The following LRRIQ1 variants were observed in gnomAD, a reference collection of about 807,000 sequenced individuals.
LRRIQ1 encodes leucine-rich repeat- and IQ domain-containing protein 1.
In LRRIQ1, 210 loss-of-function variants were observed where a neutral mutation model predicts 211.9. The ratio of observed to expected loss-of-function variants is 0.99; its 90% confidence interval spans 0.89 to 1.11. The LOEUF (loss-of-function observed/expected upper bound fraction) is 1.11. LRRIQ1 is among the 50% of genes most tolerant of loss of function. The pLI is 0.00. For synonymous variants in LRRIQ1, 699 were observed against 650.1 expected (o/e 1.08, Z -1.14); for missense variants, 2,136 against 1,939.5 (o/e 1.10, Z -1.90).
chr12:85,227,344 A>AT (rs1894712579), intron 24 of LRRIQ1, among the ~76,000 whole-genome samples: 1 of 152,120 alleles, frequency 6.6e-6, no homozygotes, highest in Admixed American at 6.6e-5. Flanking sequence ...TTACATATGT[A>AT]TACATGTGCC....
At chr12:85,071,848 A>G (rs1883117938) in intron 10 of LRRIQ1, among the ~76,000 whole-genome samples, 1 of 152,012 alleles carries the variant, frequency 6.6e-6, no homozygotes, top group African/African-American at 2.4e-5. Context: ...AACAGTATGG[A>G]GGAAACTTCT....
At position 85,252,196 on chromosome 12, in the gene LRRIQ1, A is replaced by AT. The variant is rs200266606; in HGVS notation, c.121+7291dup. Among the ~76,000 whole-genome samples the AT allele has an allele frequency of 9.7e-3, 1,479 of 152,012 alleles. 76 individuals are homozygous for AT. Among genetic ancestry groups the AT allele is most frequent in the East Asian group, 5.2e-3 (27 of 5,170 alleles). ...CCCACAACCTCTACAGAAATAACCT[A>AT]TTTTAAGAATATTCTACTATAAATA... On this transcript the variant is annotated intron_variant, in intron 1 of 1. Transcript: ENST00000602731.
chr12:85,197,864 A>C (rs1175336186), intron 24 of LRRIQ1, among the ~76,000 whole-genome samples: 1 of 135,278 alleles, frequency 7.4e-6, no homozygotes, highest in South Asian at 2.1e-4. Flanking sequence ...AAATATAATA[A>C]ATATAATAAA....
chr12:85,077,663 A>G (rs897469775), intron 11 of LRRIQ1, among the ~76,000 whole-genome samples: 2 of 152,076 alleles, frequency 1.3e-5, no homozygotes, highest in Admixed American at 1.3e-4. Context: ...TAAAATTAGG[A>G]CAGGCATGGT....
chr12:85,113,524 C>T (rs1179245915), intron 15 of LRRIQ1, among the ~76,000 whole-genome samples: 1 of 152,026 alleles, frequency 6.6e-6, no homozygotes, highest in African/African-American at 2.4e-5. Flanking sequence ...AGCACAGTCC[C>T]TTGTATGTAA....
chr12:85,194,980 G>A lies in LRRIQ1; in HGVS notation c.4822+34266G>A, dbSNP rs185357622. Among the ~76,000 whole-genome samples, 941 of 152,094 alleles carry A rather than the reference G, an allele frequency of 6.2e-3. 7 individuals carry two copies. Among genetic ancestry groups the A allele is most frequent in the African/African-American group, 0.022 (907 of 41,488 alleles). On this transcript the variant is annotated intron_variant, in intron 24 of 26. Transcript: ENST00000393217. ...GAATCAAATAGATGCAATAAAAAAT[G>A]ATAAAGGGGATATCACCACCGATCC...
chr12:85,186,204 A>T (rs867856156), intron 24 of LRRIQ1, among the ~76,000 whole-genome samples: 21 of 152,334 alleles, frequency 1.4e-4, no homozygotes, highest in African/African-American at 4.8e-4. Context: ...ATAAGATTAA[A>T]AACTGTCAGG....
chr12:85,233,973 G>A (rs1895066610), intron 26 of LRRIQ1, among the ~76,000 whole-genome samples: 1 of 152,126 alleles, frequency 6.6e-6, no homozygotes, highest in Non-Finnish European at 1.5e-5. Context: ...GTTCAGGCCT[G>A]TAATCTCAGC....
intron 23 of LRRIQ1, among the ~76,000 whole-genome samples, chr12:85,158,438 G>C (rs976088958): frequency 6.6e-6 from 1 of 151,144 alleles, no homozygotes; most frequent in African/African-American, 2.4e-5. Context: ...GCAAAAAATG[G>C]GTAATAATAA....
At chr12:85,269,589 G>A in the LRRIQ1 span, among the ~76,000 whole-genome samples, 1 of 151,980 alleles carries the variant, frequency 6.6e-6, no homozygotes, top group African/African-American at 2.4e-5. Flanking sequence ...GACATTGGTA[G>A]AACCATTTGT....
At chr12:85,120,783 T>A (rs2136418499) in intron 15 of LRRIQ1, among the ~76,000 whole-genome samples, 2 of 152,290 alleles carry the variant, frequency 1.3e-5, no homozygotes, top group South Asian at 4.1e-4. Flanking sequence ...TTGAAGGAGT[T>A]CACTTTTCCC....
intron 23 of LRRIQ1, among the ~76,000 whole-genome samples, chr12:85,156,159 G>A (rs1045551097): frequency 6.6e-6 from 1 of 151,450 alleles, no homozygotes; most frequent in Non-Finnish European, 1.5e-5. Context: ...TCTTATTACC[G>A]TGTAAGGTTT....
At chr12:85,189,570 A>C (rs1248875325) in intron 24 of LRRIQ1, among the ~76,000 whole-genome samples, 3 of 152,008 alleles carry the variant, frequency 2.0e-5, no homozygotes, top group African/African-American at 7.2e-5. Context: ...AGAAGCATAA[A>C]GGTATATCCT....
At chr12:85,170,493 TC>T (rs1211994247) in intron 24 of LRRIQ1, among the ~76,000 whole-genome samples, 21 of 150,328 alleles carry the variant, frequency 1.4e-4, no homozygotes, top group Non-Finnish European at 2.8e-4. Flanking sequence ...AATTTACATA[TC>T]CCATGTATAA....
At chr12:85,115,024 C>G (rs1444994189) in intron 15 of LRRIQ1, among the ~76,000 whole-genome samples, 2 of 152,164 alleles carry the variant, frequency 1.3e-5, no homozygotes, top group African/African-American at 2.4e-5. Context: ...AAAAAAATCT[C>G]TTTTTAAAAC....
chr12:85,099,031 T>C, intron 13 of LRRIQ1, 37 bp downstream of exon 13: 1 of 1,397,280 alleles, frequency 7.2e-7, no homozygotes, highest in Non-Finnish European at 9.7e-7. Context: ...CAGTGAATGA[T>C]TGTTTAAAAT....
intron 24 of LRRIQ1, among the ~76,000 whole-genome samples, chr12:85,197,990 TA>T (rs1351386803): frequency 3.3e-5 from 2 of 60,056 alleles, no homozygotes; most frequent in South Asian, 4.6e-4. Context: ...TTATATTATA[TA>T]TTATATATAA....
intron 11 of LRRIQ1, among the ~76,000 whole-genome samples, chr12:85,087,675 T>A (rs1230362129): frequency 6.6e-6 from 1 of 152,238 alleles, no homozygotes; most frequent in East Asian, 1.9e-4. Flanking sequence ...GATTTTGATG[T>A]GCATTTCTCT....
At chr12:85,220,087 GACATAAGAT>G (rs1347181996) in intron 24 of LRRIQ1, among the ~76,000 whole-genome samples, 1 of 151,958 alleles carries the variant, frequency 6.6e-6, no homozygotes, top group East Asian at 1.9e-4. Context: ...TAGTATTGCC[GACATAAGAT>G]ACATAGAATC....
Sources: allele counts gnomAD v4.1 joint callset (sites outside exome capture counted in the v4.1 genomes callset), GRCh38; gene constraint gnomAD v4.1.1; transcripts MANE v1.5; gene names NCBI Gene and HGNC (gene_info 2026-07-23, HGNC 2026-07-21).